The following C2orf42 variants were observed in gnomAD, a reference collection of about 807,000 sequenced individuals.
C2orf42 encodes the protein chromosome 2 open reading frame 42, also known as uncharacterized protein C2orf42.
In C2orf42, 44 loss-of-function variants were observed where a neutral mutation model predicts 58.9. That is an observed-to-expected ratio of 0.75 (90% CI 0.59 to 0.96). C2orf42 has a LOEUF of 0.96. Among genes scored for constraint, C2orf42 ranks in the 40% least tolerant of loss-of-function variants. C2orf42 has a pLI of 0.00. For synonymous variants in C2orf42, 239 were observed against 265.4 expected (o/e 0.90, Z 0.97); for missense variants, 630 against 699.2 (o/e 0.90, Z 1.12).
At chr2:70,182,373 C>T (rs918077200) in intron 2 of C2orf42, 1 of 166,458 alleles carries the variant, frequency 6.0e-6, no homozygotes, top group African/African-American at 2.4e-5. Context: ...GCTGGGATTA[C>T]AGGTGTGAGC....
At chr2:70,180,867 T>C (rs911255034) in intron 3 of C2orf42, among the ~76,000 whole-genome samples, 2 of 150,968 alleles carry the variant, frequency 1.3e-5, no homozygotes, top group Non-Finnish European at 1.5e-5. Flanking sequence ...CCAGGCATGG[T>C]GGCACGTGCC....
At chr2:70,170,695 A>C (rs1023569704) in intron 5 of C2orf42, among the ~76,000 whole-genome samples, 1 of 150,748 alleles carries the variant, frequency 6.6e-6, no homozygotes, top group East Asian at 2.0e-4. Context: ...CGGAGGTTGC[A>C]GTGAACTGAG....
Position 70,181,997 on chromosome 2 carries a change from C to G in C2orf42, c.-12G>C. 2 of 1,468,492 alleles carry G rather than the reference C, an allele frequency of 1.4e-6. No homozygotes were observed. Among genetic ancestry groups the G allele is most frequent in the Non-Finnish European group, 1.9e-6 (2 of 1,053,500 alleles). 91.0% of individuals were successfully genotyped at this position (1,468,492 alleles called of 1,614,324 possible). A position where few individuals can be genotyped will look rare whatever the true frequency, so the allele number is the denominator to read the frequency against. On this transcript the variant is annotated splice_region_variant and 5_prime_UTR_variant, in exon 3 of 10. Transcript: ENST00000264434. Reference sequence around the variant, plus strand: ...GAATTTGGTTCCATTTTTCAGAGGCCCTACAAAAGACAATACATCCAACAG... The same window carrying G: ...GAATTTGGTTCCATTTTTCAGAGGCGCTACAAAAGACAATACATCCAACAG...
In C2orf42 at chr2:70,166,951, T is replaced by G. The variant is rs116167989; in HGVS notation, c.1145-1316A>C. 3.9e-3 allele frequency among the ~76,000 whole-genome samples: 598 copies of G among 152,298 alleles called. 4 individuals are homozygous for G. Among genetic ancestry groups the G allele is most frequent in the African/African-American group, 0.013 (561 of 41,566 alleles). Reference sequence around the variant, plus strand: ...CTCTCTCACCCGATGGTCAGCACCATGAATGCTGAGGGACTACAAGTTAGG... The same window carrying G: ...CTCTCTCACCCGATGGTCAGCACCAGGAATGCTGAGGGACTACAAGTTAGG... On this transcript the variant is annotated intron_variant, in intron 6 of 9. Transcript: ENST00000264434.
At position 70,159,353 on chromosome 2, in the gene C2orf42, C is replaced by T. The variant is rs375378946; in HGVS notation, c.1516+1272G>A. Reference sequence around the variant, plus strand: ...CTGTAGTCCTAGCACTTTGGGGGGCCGAGGTGGGCAGATTGCCTGAGCTCA... The same window carrying T: ...CTGTAGTCCTAGCACTTTGGGGGGCTGAGGTGGGCAGATTGCCTGAGCTCA... On this transcript the variant is annotated intron_variant, in intron 9 of 9. Transcript: ENST00000264434. 4.6e-5 allele frequency among the ~76,000 whole-genome samples: 7 copies of T among 151,580 alleles called. No individual in the cohort carries two copies. In the East Asian group the frequency reaches 5.9e-4, roughly 13 times the overall value.
At position 70,150,582 on chromosome 2, in the gene C2orf42, G is replaced by C; in HGVS notation, c.1517-18C>G. 5 of 1,587,956 alleles carry C rather than the reference G, an allele frequency of 3.1e-6. No homozygotes were observed. The South Asian group carries it at 4.4e-5, about 14-fold the overall frequency. On this transcript the variant is annotated intron_variant, in intron 9 of 9. Transcript: ENST00000264434. ...AGTGTTGCCTAAAGAGAAGAAAGGA[G>C]TATTAGTACAATTCCACCTAACTCT...
At chr2:70,169,087 AG>A (rs1673612145) in intron 6 of C2orf42, among the ~76,000 whole-genome samples, 1 of 151,770 alleles carries the variant, frequency 6.6e-6, no homozygotes, top group Non-Finnish European at 1.5e-5. Context: ...TTTTCCATAC[AG>A]GGTCTCGCTT....
intron 8 of C2orf42, among the ~76,000 whole-genome samples, chr2:70,162,710 C>A (rs557360177): frequency 6.6e-6 from 1 of 152,100 alleles, no homozygotes; most frequent in African/African-American, 2.4e-5. Flanking sequence ...TGGCCTCAAG[C>A]AATCCTTCAT....
At chr2:70,154,922 A>T (rs921706725) in intron 9 of C2orf42, among the ~76,000 whole-genome samples, 2 of 146,640 alleles carry the variant, frequency 1.4e-5, no homozygotes, top group East Asian at 4.0e-4. Context: ...TTCCTGGCTA[A>T]TTTTTTTTTT....
chr2:70,160,546 G>T, intron 9 of C2orf42, 79 bp downstream of exon 9: 1 of 907,330 alleles, frequency 1.1e-6, no homozygotes, highest in Non-Finnish European at 1.6e-6. Context: ...TTAAGGTCAA[G>T]ATCCAAAGCT....
Position 70,165,538 on chromosome 2 carries a change from G to A in C2orf42, c.1242C>T (p.Asn414=), listed in dbSNP as rs935459314. ...SIGSAKKRLP[N]STTAFVRKDA... is the part of the protein sequence containing the mutation. ...AGGGAAATCCTGTACCTGTGGTGGAGTTGGGGAGCCGTTTTTTTGCACTTC... is the reference window on the plus strand; with the variant it reads ...AGGGAAATCCTGTACCTGTGGTGGAATTGGGGAGCCGTTTTTTTGCACTTC... The change falls in exon 7 of 10, where the codon AAC becomes AAT. Residue 414 remains asparagine, a synonymous_variant. Transcript: ENST00000264434. 1.9e-6 allele frequency: 3 copies of A among 1,580,734 alleles called. No homozygotes were observed. Among genetic ancestry groups the A allele is most frequent in the African/African-American group, 2.7e-5 (2 of 74,268 alleles).
rs377421915 is a variant in C2orf42, at chr2:70,175,656, A to G, written c.1039+17T>C. 3.4e-6 allele frequency: 5 copies of G among 1,476,928 alleles called. No individual in the cohort carries two copies. In the African/African-American group the frequency reaches 6.9e-5, roughly 20 times the overall value. The allele number at this position is 1,476,928 out of a possible 1,614,324, so 91.5% of individuals were successfully genotyped here. ...ACTTTCCACCACTGTAGCCTATTCT[A>G]GGGAAGGGAAACTTACCCTGCCTTT... On this transcript the variant is annotated intron_variant, in intron 5 of 9. Coordinates refer to ENST00000264434, the MANE Select transcript of C2orf42 (RefSeq NM_017880.3).
chr2:70,186,442 A>G (rs1674941015), intron 1 of C2orf42, among the ~76,000 whole-genome samples: 1 of 152,228 alleles, frequency 6.6e-6, no homozygotes. Flanking sequence ...TCATATCATT[A>G]AAAAGTCAGG....
intron 4 of C2orf42, 133 bp downstream of exon 4, chr2:70,179,399 G>C: frequency 3.0e-6 from 1 of 332,352 alleles, no homozygotes; most frequent in Non-Finnish European, 5.4e-6. Context: ...TAAGACCCCT[G>C]TCTCTTTATT....
intron 4 of C2orf42, among the ~76,000 whole-genome samples, chr2:70,176,697 C>T (rs1250935774): frequency 6.6e-6 from 1 of 151,970 alleles, no homozygotes; most frequent in African/African-American, 2.4e-5. Flanking sequence ...GGTCCAATCA[C>T]AGTGTGCTAG....
At chr2:70,164,265 G>A (rs1271394468) in intron 8 of C2orf42, among the ~76,000 whole-genome samples, 1 of 151,282 alleles carries the variant, frequency 6.6e-6, no homozygotes, top group African/African-American at 2.4e-5. Context: ...CTGCACCACT[G>A]TACTCCAGAC....
chr2:70,177,866 T>C (rs1674294359), intron 4 of C2orf42, among the ~76,000 whole-genome samples: 1 of 151,980 alleles, frequency 6.6e-6, no homozygotes, highest in African/African-American at 2.4e-5. Context: ...TGAAACCCTG[T>C]CTCTACAAAA....
At chr2:70,169,824 TC>T (rs1673673797) in intron 5 of C2orf42, among the ~76,000 whole-genome samples, 163 bp from the exon 6 acceptor site, 1 of 152,180 alleles carries the variant, frequency 6.6e-6, no homozygotes, top group Non-Finnish European at 1.5e-5. Context: ...CAGTGCACAA[TC>T]TCAGCTCACT....
At chr2:70,179,729 T>C (rs1674426928) in intron 3 of C2orf42, 87 bp from the exon 4 acceptor site, 2 of 502,516 alleles carry the variant, frequency 4.0e-6, no homozygotes, top group Non-Finnish European at 7.2e-6. Context: ...GTTAATTTCT[T>C]TTTAAAAATC....
Sources: gnomAD v4.1 joint callset for allele counts (sites outside exome capture counted in the v4.1 genomes callset) on GRCh38, gnomAD v4.1.1 for gene constraint, MANE v1.5 for transcripts, NCBI Gene and HGNC (gene_info 2026-07-23, HGNC 2026-07-21) for gene names.